CDKAL1: variants seen among roughly 807,000 people sequenced by gnomAD.
CDKAL1 encodes CDKAL1 threonylcarbamoyladenosine tRNA methylthiotransferase.
Under a neutral mutation model 68.2 loss-of-function variants are expected in CDKAL1, and 32 were observed. The observed-to-expected ratio is 0.47, with a 90% CI of 0.35 to 0.63. The LOEUF is 0.63. CDKAL1 is among the 30% of genes least tolerant of loss of function. CDKAL1 has a pLI of 0.00. For missense variants in CDKAL1, 606 were observed against 696.7 expected, an observed-to-expected ratio of 0.87 and a Z score of 1.47; for synonymous variants, 234 against 244.3, an observed-to-expected ratio of 0.96 and a Z score of 0.39.
At position 20,914,697 on chromosome 6, in the gene CDKAL1, GT is replaced by G. The variant is rs567014408; in HGVS notation, c.743-40716del. 3.9e-4 allele frequency among the ~76,000 whole-genome samples: 59 copies of G among 152,270 alleles called. No homozygotes were observed. The South Asian group carries it at 0.012, about 31-fold the overall frequency. On this transcript the variant is annotated intron_variant, in intron 9 of 15. Coordinates refer to ENST00000274695, the MANE Select transcript of CDKAL1 (RefSeq NM_017774.3). ...TCTAAAATGCTACTATTTAAAGTAA[GT>G]TTTTTAAAATTTTTGCTTCTACCGC...
intron 4 of CDKAL1, among the ~76,000 whole-genome samples, chr6:20,591,017 TG>T (rs1233064232): frequency 6.6e-6 from 1 of 152,218 alleles, no homozygotes; most frequent in East Asian, 1.9e-4. Context: ...CTCTGGCATC[TG>T]TTGTTTCCTG....
At chr6:20,863,101 T>C (rs756368411) in intron 9 of CDKAL1, among the ~76,000 whole-genome samples, 18 of 152,214 alleles carry the variant, frequency 1.2e-4, no homozygotes, top group Non-Finnish European at 2.4e-4. Context: ...GGGAATTTTG[T>C]TAACATGCAA....
At chr6:20,971,561 C>T (rs1383377704) in intron 10 of CDKAL1, among the ~76,000 whole-genome samples, 4 of 152,310 alleles carry the variant, frequency 2.6e-5, no homozygotes, top group Non-Finnish European at 4.4e-5. Context: ...ATCTGCAGTA[C>T]ATTGTGTTAC....
chr6:20,555,812 C>G (rs983638474), intron 4 of CDKAL1, among the ~76,000 whole-genome samples: 4 of 151,530 alleles, frequency 2.6e-5, no homozygotes, highest in Non-Finnish European at 5.9e-5. Context: ...TTAGTAGAGA[C>G]GGGGTTTCAC....
At chr6:20,795,460 A>T (rs1054937738) in intron 8 of CDKAL1, among the ~76,000 whole-genome samples, 8 of 152,248 alleles carry the variant, frequency 5.3e-5, no homozygotes, top group Admixed American at 5.2e-4. Flanking sequence ...TCCTTGAGAG[A>T]ATTAAAAAGT....
rs1405093657 is a variant in CDKAL1 at position 20,955,691 on chromosome 6, T to A, written c.909+106T>A. 8 of 576,140 alleles carry A rather than the reference T, an allele frequency of 1.4e-5. No individual in the cohort carries two copies. The East Asian group carries it at 2.3e-4, about 16-fold the overall frequency. 35.7% of individuals were successfully genotyped at this position (576,140 alleles called of 1,614,324 possible). A position where few individuals can be genotyped will look rare whatever the true frequency, so the allele number is the denominator to read the frequency against. ...CAGCTTCATTTAAAACTCCTTCACA[T>A]TTTTTTTTTGTAGTCCCGCATTTCC... is the stretch of plus-strand genomic sequence containing the variant. On this transcript the variant is annotated intron_variant, in intron 10 of 15. Transcript: ENST00000274695.
At chr6:20,724,707 A>G (rs981913512) in intron 5 of CDKAL1, among the ~76,000 whole-genome samples, 1 of 152,178 alleles carries the variant, frequency 6.6e-6, no homozygotes, top group African/African-American at 2.4e-5. Context: ...TCAAACAAAC[A>G]AACAAACAAA....
chr6:20,874,582 C>G (rs768511446), intron 9 of CDKAL1, among the ~76,000 whole-genome samples: 2 of 152,018 alleles, frequency 1.3e-5, no homozygotes, highest in Non-Finnish European at 2.9e-5. Flanking sequence ...GTGGTGTGAT[C>G]TTGGCTCACT....
intron 9 of CDKAL1, among the ~76,000 whole-genome samples, chr6:20,915,528 T>C (rs941799144): frequency 1.8e-4 from 28 of 152,330 alleles, no homozygotes; most frequent in African/African-American, 6.7e-4. Context: ...GGGGATAATC[T>C]GCTTTACTCA....
chr6:20,882,676 A>C (rs780658383), intron 9 of CDKAL1, among the ~76,000 whole-genome samples: 2 of 152,056 alleles, frequency 1.3e-5, no homozygotes, highest in Admixed American at 6.5e-5. Context: ...CAGTGTTTTT[A>C]ATCTGTTAAT....
chr6:21,197,022 G>T (rs886997861), intron 13 of CDKAL1, among the ~76,000 whole-genome samples: 1 of 152,124 alleles, frequency 6.6e-6, no homozygotes, highest in African/African-American at 2.4e-5. Flanking sequence ...GCCGGGCATA[G>T]TGGCGCATGC....
intron 11 of CDKAL1, among the ~76,000 whole-genome samples, chr6:21,006,635 A>C (rs1338728829): frequency 6.6e-6 from 1 of 152,196 alleles, no homozygotes; most frequent in Non-Finnish European, 1.5e-5. Flanking sequence ...TTAGCAGAAA[A>C]ACATATTTAC....
chr6:20,960,019 C>G (rs996071996), intron 10 of CDKAL1, among the ~76,000 whole-genome samples: 2 of 152,142 alleles, frequency 1.3e-5, no homozygotes, highest in Admixed American at 1.3e-4. Flanking sequence ...TACAATTTAT[C>G]AAGTGCTTAT....
intron 2 of CDKAL1, among the ~76,000 whole-genome samples, chr6:20,535,957 G>T (rs886328025): frequency 4.6e-5 from 7 of 152,044 alleles, no homozygotes; most frequent in Non-Finnish European, 4.4e-5. Context: ...TTTGAGACAC[G>T]GCTTCCCTAT....
At chr6:21,000,885 A>G (rs1767393013) in intron 11 of CDKAL1, among the ~76,000 whole-genome samples, 1 of 152,242 alleles carries the variant, frequency 6.6e-6, no homozygotes, top group Non-Finnish European at 1.5e-5. Context: ...TGAGGATTCT[A>G]CTTTTTAAAG....
rs546106224 is a variant in CDKAL1 at position 20,587,916 on chromosome 6, C to T, written c.286+39211C>T. ...TTCGAGACCAGCCTGGGCAACATAGCGAGACCCTGTTTCTATGAAAAATAT... is the reference window on the plus strand; with the variant it reads ...TTCGAGACCAGCCTGGGCAACATAGTGAGACCCTGTTTCTATGAAAAATAT... On this transcript the variant is annotated intron_variant, in intron 4 of 15. Transcript: ENST00000274695. Among the ~76,000 whole-genome samples, 77 of 152,038 alleles carry T rather than the reference C, an allele frequency of 5.1e-4. 3 individuals carry two copies. Among genetic ancestry groups the T allele is most frequent in the South Asian group, 2.1e-4 (1 of 4,814 alleles).
chr6:20,730,287 A>G (rs1772848857), intron 5 of CDKAL1, among the ~76,000 whole-genome samples: 1 of 150,500 alleles, frequency 6.6e-6, no homozygotes, highest in South Asian at 2.1e-4. Flanking sequence ...ATGGAGCCAC[A>G]CCCTGAAAAA....
At chr6:20,585,100 ATGCTGG>A (rs1213857613) in intron 4 of CDKAL1, among the ~76,000 whole-genome samples, 1 of 133,820 alleles carries the variant, frequency 7.5e-6, no homozygotes, top group Non-Finnish European at 1.5e-5. Flanking sequence ...TCTGTCGCCC[ATGCTGG>A]AGTGCAGTGA....
intron 13 of CDKAL1, among the ~76,000 whole-genome samples, chr6:21,190,647 G>A (rs559790663): frequency 4.6e-5 from 7 of 152,302 alleles, no homozygotes; most frequent in South Asian, 2.1e-4. Flanking sequence ...GATTACAGGC[G>A]TGAGCCGCTG....
Sources: allele counts gnomAD v4.1 joint callset (sites outside exome capture counted in the v4.1 genomes callset), GRCh38; gene constraint gnomAD v4.1.1; transcripts MANE v1.5; gene names NCBI Gene and HGNC (gene_info 2026-07-23, HGNC 2026-07-21).